The following SLC35F4 variants were observed in gnomAD, a reference collection of about 807,000 sequenced individuals.
SLC35F4 encodes the protein chromosome 14 open reading frame 36.
A neutral mutation model predicts 44.2 loss-of-function variants in SLC35F4; 24 were observed. That is an observed-to-expected ratio of 0.54 (90% CI 0.39 to 0.76). The LOEUF is 0.76. Among genes scored for constraint, SLC35F4 ranks in the 30% least tolerant of loss-of-function variants. SLC35F4 has a pLI of 0.00. For missense variants in SLC35F4, 562 were observed against 586.1 expected, an observed-to-expected ratio of 0.96 and a Z score of 0.42; for synonymous variants, 238 against 223.6, an observed-to-expected ratio of 1.06 and a Z score of -0.57.
chr14:57,772,864 A>AG (rs1340527226), intron 1 of SLC35F4, among the ~76,000 whole-genome samples: 9 of 152,228 alleles, frequency 5.9e-5, no homozygotes, highest in Admixed American at 5.9e-4. Context: ...TCCCTTAGGT[A>AG]GATAACCAAT....
chr14:57,741,975 G>T (rs1447523328), intron 1 of SLC35F4, among the ~76,000 whole-genome samples: 1 of 152,082 alleles, frequency 6.6e-6, no homozygotes, highest in Non-Finnish European at 1.5e-5. Flanking sequence ...GCCAAACTAC[G>T]CTTCATAAGT....
intron 1 of SLC35F4, among the ~76,000 whole-genome samples, chr14:57,781,997 A>G (rs1355560135): frequency 6.6e-6 from 1 of 152,206 alleles, no homozygotes; most frequent in Non-Finnish European, 1.5e-5. Flanking sequence ...AGTAATCTGT[A>G]TATCAAACCC....
intron 1 of SLC35F4, among the ~76,000 whole-genome samples, chr14:57,798,440 T>TGATGACCTTAATCA (rs1326834051): frequency 6.6e-6 from 1 of 152,184 alleles, no homozygotes; most frequent in Non-Finnish European, 1.5e-5. Context: ...ATGGTTAGCT[T>TGATGACCTTAATCA]GATGACCTTA....
chr14:57,787,064 G>C (rs950018855), intron 1 of SLC35F4, among the ~76,000 whole-genome samples: 2 of 152,098 alleles, frequency 1.3e-5, no homozygotes, highest in Non-Finnish European at 2.9e-5. Context: ...AGAGCTTAAA[G>C]AACAAAGCAA....
intron 1 of SLC35F4, among the ~76,000 whole-genome samples, chr14:57,754,600 G>A (rs1373700932): frequency 2.0e-5 from 3 of 152,106 alleles, no homozygotes; most frequent in Non-Finnish European, 2.9e-5. Flanking sequence ...TGCATGACCC[G>A]TGCATGGAGC....
At chr14:57,957,210 G>A (rs1013899581) in intron 1 of SLC35F4, among the ~76,000 whole-genome samples, 22 of 151,986 alleles carry the variant, frequency 1.4e-4, no homozygotes, top group African/African-American at 5.1e-4. Context: ...AACACCACAT[G>A]TTCTCACTCA....
At chr14:57,938,352 C>T (rs1889853731) in intron 1 of SLC35F4, among the ~76,000 whole-genome samples, 1 of 152,144 alleles carries the variant, frequency 6.6e-6, no homozygotes, top group African/African-American at 2.4e-5. Flanking sequence ...GGAGTATGAT[C>T]AACAGTCCAG....
At chr14:57,726,255 A>T (rs921024979) in intron 1 of SLC35F4, among the ~76,000 whole-genome samples, 2 of 152,166 alleles carry the variant, frequency 1.3e-5, no homozygotes, top group African/African-American at 4.8e-5. Flanking sequence ...AGGCAGGACT[A>T]CAAATGACCC....
chr14:57,911,192 A>C (rs1889210087), intron 1 of SLC35F4, among the ~76,000 whole-genome samples: 1 of 151,862 alleles, frequency 6.6e-6, no homozygotes, highest in East Asian at 1.9e-4. Flanking sequence ...CTTTTTGCCA[A>C]TTTTTTTGTT....
At chr14:57,844,742 G>A (rs146095152) in intron 1 of SLC35F4, among the ~76,000 whole-genome samples, 4 of 152,246 alleles carry the variant, frequency 2.6e-5, no homozygotes, top group African/African-American at 7.2e-5. Flanking sequence ...GAATAGCCCC[G>A]CAAGATATCC....
chr14:57,932,818 A>C (rs1485946406), intron 1 of SLC35F4, among the ~76,000 whole-genome samples: 2 of 150,208 alleles, frequency 1.3e-5, no homozygotes, highest in Admixed American at 6.6e-5. Flanking sequence ...CACTGCACTC[A>C]AAAAAAAAAT....
intron 1 of SLC35F4, among the ~76,000 whole-genome samples, chr14:57,644,095 T>C (rs1193758709): frequency 6.6e-6 from 1 of 152,210 alleles, no homozygotes; most frequent in Non-Finnish European, 1.5e-5. Flanking sequence ...CATGTGTCTT[T>C]ATAGCAGCAC....
chr14:57,922,932 C>A (rs1005610160), intron 1 of SLC35F4, among the ~76,000 whole-genome samples: 4 of 152,198 alleles, frequency 2.6e-5, no homozygotes, highest in African/African-American at 9.7e-5. Context: ...AAGTTAAAGA[C>A]CTCAATGAAG....
downstream of SLC35F4, among the ~76,000 whole-genome samples, chr14:57,974,485 T>G (rs926247954): frequency 6.6e-6 from 1 of 152,214 alleles, no homozygotes; most frequent in Non-Finnish European, 1.5e-5. Flanking sequence ...TGGCCCTCTT[T>G]AATCTACCAT....
chr14:57,822,670 C>CCTTAATACAGCTG (rs1162645585), intron 1 of SLC35F4, among the ~76,000 whole-genome samples: 4 of 152,266 alleles, frequency 2.6e-5, no homozygotes, highest in Admixed American at 2.6e-4. Flanking sequence ...GGATCTTCTG[C>CCTTAATACAGCTG]CTTAATACAG....
chr14:57,733,610 C>G (rs2076399139), intron 1 of SLC35F4, among the ~76,000 whole-genome samples: 1 of 151,612 alleles, frequency 6.6e-6, no homozygotes, highest in Non-Finnish European at 1.5e-5. Flanking sequence ...GCACTGGTAC[C>G]TTTTCCACTG....
At chr14:57,660,939 TG>T (rs767555846) in intron 1 of SLC35F4, among the ~76,000 whole-genome samples, 9 of 152,182 alleles carry the variant, frequency 5.9e-5, no homozygotes, top group Non-Finnish European at 1.3e-4. Flanking sequence ...CTACATATTT[TG>T]GGATCATTTG....
intron 1 of SLC35F4, among the ~76,000 whole-genome samples, chr14:57,934,923 G>T (rs979351669): frequency 6.6e-6 from 1 of 152,160 alleles, no homozygotes; most frequent in Non-Finnish European, 1.5e-5. Flanking sequence ...AAGACAGCTT[G>T]GATCTGCAGC....
intron 1 of SLC35F4, among the ~76,000 whole-genome samples, chr14:57,698,716 C>T (rs897612498): frequency 2.0e-5 from 3 of 151,162 alleles, no homozygotes; most frequent in South Asian, 2.1e-4. Flanking sequence ...CGGCTCACTG[C>T]GACCTCTACC....
Sources: allele counts gnomAD v4.1 joint callset (sites outside exome capture counted in the v4.1 genomes callset), GRCh38; gene constraint gnomAD v4.1.1; transcripts MANE v1.5; gene names NCBI Gene and HGNC (gene_info 2026-07-23, HGNC 2026-07-21).